SSBP3: variants seen among roughly 807,000 people sequenced by gnomAD.
The protein encoded by SSBP3 is single-stranded DNA-binding protein 3.
In SSBP3, 5 loss-of-function variants were observed where a neutral mutation model predicts 69.6. The observed-to-expected ratio is 0.07, with a 90% CI of 0.04 to 0.15. The LOEUF (loss-of-function observed/expected upper bound fraction) is 0.15, where lower values mean the gene tolerates loss of function less well. SSBP3 is among the 10% of genes least tolerant of loss of function. The pLI is 1.00. For missense variants in SSBP3, 312 were observed against 534.0 expected (o/e 0.58, Z 4.10); for synonymous variants, 196 against 193.4 (o/e 1.01, Z -0.11).
intron 4 of SSBP3, among the ~76,000 whole-genome samples, chr1:54,289,131 C>T (rs1645558161): frequency 1.3e-5 from 2 of 151,494 alleles, no homozygotes; most frequent in African/African-American, 4.8e-5. Flanking sequence ...AAAGAAATAG[C>T]CGGCACTTCA....
At position 54,285,986 on chromosome 1, in the gene SSBP3, C is replaced by T. The variant is rs187224263; in HGVS notation, c.277-4459G>A. ...AAGGCTCTTCTTCCAAGCTGCTCTC[C>T]CCAGCTAAGTCTACACACCAAGGGG... On this transcript the variant is annotated intron_variant, in intron 4 of 17. Transcript: ENST00000610401. Among the ~76,000 whole-genome samples, 1,380 of 152,256 alleles carry T rather than the reference C, an allele frequency of 9.1e-3. 6 individuals carry two copies. The highest frequency in any genetic ancestry group is 0.014 in the Non-Finnish European group (951 of 68,004).
chr1:54,365,639 A>G (rs934226936), intron 4 of SSBP3, among the ~76,000 whole-genome samples: 7 of 152,056 alleles, frequency 4.6e-5, no homozygotes, highest in African/African-American at 1.7e-4. Flanking sequence ...TGGTGATCCT[A>G]GGTACTCCCT....
intron 4 of SSBP3, among the ~76,000 whole-genome samples, chr1:54,380,946 A>AC (rs1647584481): frequency 2.7e-5 from 4 of 146,130 alleles, no homozygotes; most frequent in South Asian, 2.2e-4. Flanking sequence ...ACACAGCAAG[A>AC]CCCCCTCTAC....
intron 4 of SSBP3, among the ~76,000 whole-genome samples, chr1:54,311,144 G>C (rs958779069): frequency 6.6e-6 from 1 of 152,180 alleles, no homozygotes; most frequent in African/African-American, 2.4e-5. Context: ...ACACATCATG[G>C]GGAGAGAACT....
chr1:54,277,673 A>G (rs535831151), intron 5 of SSBP3, among the ~76,000 whole-genome samples: 1 of 152,366 alleles, frequency 6.6e-6, no homozygotes, highest in Admixed American at 6.5e-5. Flanking sequence ...ATTTAAAAAC[A>G]AAACAAGAAG....
intron 9 of SSBP3, 145 bp from the exon 10 acceptor site, chr1:54,243,444 G>A (rs893215729): frequency 2.9e-5 from 28 of 959,464 alleles, no homozygotes; most frequent in East Asian, 9.9e-5. Context: ...TTTCAAAAAC[G>A]GTGGGGCGGG....
chr1:54,362,586 C>T (rs1408096646), intron 4 of SSBP3, among the ~76,000 whole-genome samples: 4 of 152,216 alleles, frequency 2.6e-5, no homozygotes, highest in African/African-American at 9.6e-5. Context: ...GCAGCCCCTA[C>T]ATAGGCGCAA....
intron 5 of SSBP3, among the ~76,000 whole-genome samples, chr1:54,275,184 G>A (rs1366414244): frequency 6.6e-6 from 1 of 152,186 alleles, no homozygotes; most frequent in Non-Finnish European, 1.5e-5. Flanking sequence ...GTCTGACCGA[G>A]GGGCTAAGGG....
Position 54,366,385 on chromosome 1 carries a change from G to A in SSBP3, c.276+35476C>T, listed in dbSNP as rs141611717. Among the ~76,000 whole-genome samples the A allele has an allele frequency of 5.2e-4, 79 of 152,240 alleles. 2 individuals carry two copies. In the East Asian group the frequency reaches 0.015, roughly 29 times the overall value. On this transcript the variant is annotated intron_variant, in intron 4 of 17. Coordinates refer to ENST00000610401, the Ensembl canonical transcript of SSBP3. The stretch of plus-strand genomic sequence containing the variant: ...CTCTCAACAGTCCTAAGATACTCTA[G>A]GACTATCACCCCAAGTATACAGATG...
chr1:54,399,178 G>C (rs374634869), intron 4 of SSBP3, among the ~76,000 whole-genome samples: 1 of 152,208 alleles, frequency 6.6e-6, no homozygotes, highest in African/African-American at 2.4e-5. Context: ...AATAGTTCAC[G>C]GTCTCCACCA....
At chr1:54,304,840 G>T (rs1234451268) in intron 4 of SSBP3, among the ~76,000 whole-genome samples, 1 of 152,168 alleles carries the variant, frequency 6.6e-6, no homozygotes, top group Non-Finnish European at 1.5e-5. Context: ...CTGCTGAGAT[G>T]AGTTGGCCTA....
At chr1:54,321,182 G>A (rs1055068163) in intron 4 of SSBP3, among the ~76,000 whole-genome samples, 13 of 152,214 alleles carry the variant, frequency 8.5e-5, no homozygotes, top group Admixed American at 2.6e-4. Context: ...TGACAAAGGC[G>A]TTGACCCACA....
intron 5 of SSBP3, among the ~76,000 whole-genome samples, chr1:54,265,848 G>C (rs1645092754): frequency 6.6e-6 from 1 of 152,186 alleles, no homozygotes; most frequent in African/African-American, 2.4e-5. Flanking sequence ...TCTCTCCAAG[G>C]AGCCAGGGCA....
intron 4 of SSBP3, among the ~76,000 whole-genome samples, chr1:54,290,914 C>T (rs878968089): frequency 3.3e-5 from 5 of 152,174 alleles, no homozygotes; most frequent in African/African-American, 1.2e-4. Flanking sequence ...CTAGTTTACA[C>T]CATTAGCAAA....
Position 54,394,860 on chromosome 1 carries a change from G to A in SSBP3, c.276+7001C>T, listed in dbSNP as rs533734655. Among the ~76,000 whole-genome samples the A allele has an allele frequency of 1.2e-4, 18 of 151,834 alleles. No homozygotes were observed. In the East Asian group the frequency reaches 2.5e-3, roughly 21 times the overall value. ...TGGGACTACAGGCGCCTGCCACTAT[G>A]CCCAGCTATTTTTTTTGTATTTTTA... On this transcript the variant is annotated intron_variant, in intron 4 of 17. Transcript: ENST00000610401.
At chr1:54,373,375 AC>A (rs1647167257) in intron 4 of SSBP3, among the ~76,000 whole-genome samples, 1 of 152,158 alleles carries the variant, frequency 6.6e-6, no homozygotes, top group Non-Finnish European at 1.5e-5. Flanking sequence ...GATTCTAGTT[AC>A]AGAGTTGAGA....
chr1:54,389,523 T>G (rs1203106233), intron 4 of SSBP3, among the ~76,000 whole-genome samples: 1 of 151,708 alleles, frequency 6.6e-6, no homozygotes, highest in Non-Finnish European at 1.5e-5. Context: ...ATCAAACCAC[T>G]CCAGGCTGGG....
intron 4 of SSBP3, among the ~76,000 whole-genome samples, chr1:54,316,647 CA>C (rs1199647407): frequency 5.3e-4 from 18 of 34,054 alleles, no homozygotes; most frequent in African/African-American, 1.5e-3. Flanking sequence ...GACTCCGTCT[CA>C]AAAAAAAAAA....
chr1:54,295,944 T>C (rs79125626), intron 4 of SSBP3, among the ~76,000 whole-genome samples: 3,659 of 152,338 alleles, frequency 0.024, 154 homozygotes, highest in African/African-American at 0.083. Flanking sequence ...TTCTACCTGG[T>C]CTTATTATAT....
Sources: allele counts gnomAD v4.1 joint callset (sites outside exome capture counted in the v4.1 genomes callset), GRCh38; gene constraint gnomAD v4.1.1; transcripts MANE v1.5; gene names NCBI Gene and HGNC (gene_info 2026-07-23, HGNC 2026-07-21).